C12orf42: variants seen among roughly 807,000 people sequenced by gnomAD.
C12orf42 encodes the protein uncharacterized protein C12orf42.
C12orf42 carries 25 observed loss-of-function variants against 21.6 expected under a neutral mutation model. The ratio of observed to expected loss-of-function variants is 1.16; its 90% confidence interval spans 0.84 to 1.62. The LOEUF is 1.62. Ranked by LOEUF, C12orf42 falls within the 40% of genes most tolerant of loss-of-function variation. C12orf42 has a pLI of 0.00. For missense variants in C12orf42, 483 were observed against 459.3 expected (o/e 1.05, Z -0.47); for synonymous variants, 174 against 175.0 (o/e 0.99, Z 0.05).
chr12:103,047,918 C>A, the C12orf42 span, among the ~76,000 whole-genome samples: 2 of 152,080 alleles, frequency 1.3e-5, no homozygotes, highest in Non-Finnish European at 2.9e-5. Context: ...TTAGAAATGG[C>A]GTAATGTCAC....
At chr12:103,365,343 C>T (rs1002836692) in intron 4 of C12orf42, among the ~76,000 whole-genome samples, 10 of 152,002 alleles carry the variant, frequency 6.6e-5, no homozygotes, top group African/African-American at 2.4e-4. Flanking sequence ...TAAAAGCCAC[C>T]TATGACAAAT....
At chr12:103,135,081 G>A in the C12orf42 span, among the ~76,000 whole-genome samples, 3 of 152,240 alleles carry the variant, frequency 2.0e-5, no homozygotes, top group Non-Finnish European at 2.9e-5. Context: ...TCCTAGACAA[G>A]CAAAAACTTA....
intron 2 of C12orf42, among the ~76,000 whole-genome samples, chr12:103,425,811 GA>G (rs1949760739): frequency 6.6e-6 from 1 of 152,088 alleles, no homozygotes; most frequent in South Asian, 2.1e-4. Context: ...CTGAGGTGAG[GA>G]ATCTAGAGAG....
the C12orf42 span, among the ~76,000 whole-genome samples, chr12:103,071,240 A>G: frequency 6.6e-6 from 1 of 152,140 alleles, no homozygotes; most frequent in Non-Finnish European, 1.5e-5. Context: ...CCCTTTTCTC[A>G]GTTATGGTCC....
the C12orf42 span, among the ~76,000 whole-genome samples, chr12:103,084,431 C>G: frequency 6.6e-6 from 1 of 152,048 alleles, no homozygotes; most frequent in African/African-American, 2.4e-5. Context: ...GGTACATGTA[C>G]AGAATGTGCA....
the C12orf42 span, among the ~76,000 whole-genome samples, chr12:103,103,821 A>G: frequency 6.8e-6 from 1 of 146,610 alleles, no homozygotes; most frequent in East Asian, 2.0e-4. Flanking sequence ...TTTTTTTTTC[A>G]GACGGAGTCT....
At chr12:103,369,859 A>T (rs1204419927) in intron 3 of C12orf42, among the ~76,000 whole-genome samples, 1 of 152,140 alleles carries the variant, frequency 6.6e-6, no homozygotes, top group East Asian at 1.9e-4. Flanking sequence ...CAATTGCAAC[A>T]AAAACAAAAA....
chr12:103,322,760 G>A (rs1437793401), intron 4 of C12orf42, among the ~76,000 whole-genome samples: 4 of 152,170 alleles, frequency 2.6e-5, no homozygotes, highest in African/African-American at 9.7e-5. Flanking sequence ...AAATTCGTAA[G>A]AGTGCATTAG....
intron 1 of C12orf42, among the ~76,000 whole-genome samples, chr12:103,478,930 G>T (rs1954270290): frequency 6.6e-6 from 1 of 152,090 alleles, no homozygotes; most frequent in South Asian, 2.1e-4. Flanking sequence ...TGGGGATTTT[G>T]ATGTGAACAA....
At chr12:103,316,496 T>G (rs1420941829) in intron 4 of C12orf42, among the ~76,000 whole-genome samples, 1 of 152,122 alleles carries the variant, frequency 6.6e-6, no homozygotes, top group African/African-American at 2.4e-5. Context: ...TAAACTCATC[T>G]ACATAAAAAA....
intron 10 of C12orf42, among the ~76,000 whole-genome samples, chr12:103,250,878 GTGTGTGTGTGTGTGTGCA>G (rs1178894638): frequency 1.7e-4 from 25 of 151,442 alleles, no homozygotes; most frequent in African/African-American, 5.8e-4. Context: ...TTATCACTGT[GTGTGTGTGTGTGTGTGCA>G]TGTGTGTGTG....
the C12orf42 span, among the ~76,000 whole-genome samples, chr12:103,120,597 T>A: frequency 6.6e-6 from 1 of 152,058 alleles, no homozygotes; most frequent in African/African-American, 2.4e-5. Flanking sequence ...GCTTCACTTT[T>A]CTTATCAATA....
the C12orf42 span, among the ~76,000 whole-genome samples, chr12:103,506,860 A>ATATATTAAATATATATTTATATAT: frequency 9.7e-5 from 7 of 71,932 alleles, no homozygotes; most frequent in Admixed American, 2.5e-4. Context: ...TTTATATATT[A>ATATATTAAATATATATTTATATAT]TATATATATA....
chr12:103,430,830 G>A (rs1342281510), intron 2 of C12orf42, among the ~76,000 whole-genome samples: 1 of 152,122 alleles, frequency 6.6e-6, no homozygotes, highest in Non-Finnish European at 1.5e-5. Flanking sequence ...GGATGAAGCT[G>A]GAAACCATTA....
the C12orf42 span, among the ~76,000 whole-genome samples, chr12:103,180,574 C>T: frequency 4.7e-5 from 7 of 148,222 alleles, no homozygotes; most frequent in Admixed American, 4.0e-4. Flanking sequence ...TTGAGAATTC[C>T]ATATGAGTAG....
chr12:103,501,775 G>T, the C12orf42 span, among the ~76,000 whole-genome samples: 13 of 152,130 alleles, frequency 8.5e-5, no homozygotes, highest in Admixed American at 7.9e-4. Flanking sequence ...CATTTGGGTT[G>T]GTTTTCATGC....
At chr12:103,193,823 C>G in the C12orf42 span, among the ~76,000 whole-genome samples, 1 of 152,058 alleles carries the variant, frequency 6.6e-6, no homozygotes, top group Non-Finnish European at 1.5e-5. Flanking sequence ...CTTCCAAACT[C>G]TTTTTTGTGA....
intron 4 of C12orf42, among the ~76,000 whole-genome samples, chr12:103,296,806 G>A (rs995840596): frequency 2.6e-5 from 4 of 152,094 alleles, no homozygotes; most frequent in African/African-American, 7.2e-5. Context: ...CCATTCTGTA[G>A]GTTGCCTGTT....
chr12:103,382,263 T>C (rs1399301059), intron 3 of C12orf42, among the ~76,000 whole-genome samples: 1 of 152,238 alleles, frequency 6.6e-6, no homozygotes, highest in Non-Finnish European at 1.5e-5. Flanking sequence ...ACAATTTCTA[T>C]GGCTGATTTC....
Sources: gnomAD v4.1 joint callset for allele counts (sites outside exome capture counted in the v4.1 genomes callset) on GRCh38, gnomAD v4.1.1 for gene constraint, MANE v1.5 for transcripts, NCBI Gene and HGNC (gene_info 2026-07-23, HGNC 2026-07-21) for gene names.